COQ8A: variants seen among roughly 807,000 people sequenced by gnomAD.
COQ8A encodes atypical kinase COQ8A, mitochondrial.
In COQ8A, 51 loss-of-function variants were observed where a neutral mutation model predicts 65.0. The observed-to-expected ratio is 0.78, with a 90% confidence interval of 0.63 to 0.99. COQ8A has a LOEUF of 0.99. Ranked by LOEUF, COQ8A falls within the 50% of genes least tolerant of loss-of-function variation. The pLI is 0.00. For missense variants in COQ8A, 940 were observed against 875.0 expected (o/e 1.07, Z -0.94); for synonymous variants, 371 against 353.2 (o/e 1.05, Z -0.57).
In COQ8A at chr1:226,983,855, G is replaced by A; in HGVS notation, c.1256+1G>A. 1 of 1,608,630 alleles carries A rather than the reference G, an allele frequency of 6.2e-7. No individual in the cohort carries two copies. Among genetic ancestry groups the A allele is most frequent in the Non-Finnish European group, 8.5e-7 (1 of 1,179,352 alleles). Reference sequence around the variant, plus strand: ...AGGCCGCCTGTGCCCGCAAGTTCAGGTGTGGCCCCCGGCCGGGCCCCTTGC... The same window carrying A: ...AGGCCGCCTGTGCCCGCAAGTTCAGATGTGGCCCCCGGCCGGGCCCCTTGC... On this transcript the variant is annotated splice_donor_variant, in intron 10 of 14. Transcript: ENST00000366777. LOFTEE classifies it high-confidence loss of function.
intron 5 of COQ8A, among the ~76,000 whole-genome samples, chr1:226,979,412 G>A (rs1659559427): frequency 6.6e-6 from 1 of 152,226 alleles, no homozygotes; most frequent in Non-Finnish European, 1.5e-5. Context: ...GCCCAGCAGG[G>A]GCTTTCCTGT....
intron 1 of COQ8A, among the ~76,000 whole-genome samples, chr1:226,948,911 A>G (rs1216380527): frequency 6.6e-6 from 1 of 152,194 alleles, no homozygotes; most frequent in Non-Finnish European, 1.5e-5. Flanking sequence ...ATGGTGCTTT[A>G]ACACATTTCA....
chr1:226,956,789 C>G (rs1168308441), intron 1 of COQ8A, among the ~76,000 whole-genome samples: 1 of 131,200 alleles, frequency 7.6e-6, no homozygotes, highest in East Asian at 2.6e-4. Context: ...GGCTCCCACT[C>G]TCCCTCGTTC....
intron 1 of COQ8A, among the ~76,000 whole-genome samples, chr1:226,944,849 A>G (rs1363833520): frequency 2.0e-5 from 3 of 151,782 alleles, no homozygotes; most frequent in Non-Finnish European, 2.9e-5. Context: ...TCATTTGGAA[A>G]AGCCCAGTCC....
Position 226,986,895 on chromosome 1 carries a change from G to A in COQ8A, c.*158G>A. 3.4e-6 allele frequency: 3 copies of A among 877,200 alleles called. No homozygotes were observed. Among genetic ancestry groups the A allele is most frequent in the Non-Finnish European group, 5.2e-6 (3 of 571,590 alleles). 54.3% of individuals were successfully genotyped at this position (877,200 alleles called of 1,614,324 possible). The stretch of plus-strand genomic sequence containing the variant: ...GTAGCCAGCGCTTTCCACGGTTTCT[G>A]TTGCTAAATGGTTGTAGGGTGAGAA... On this transcript the variant is annotated 3_prime_UTR_variant, in exon 15 of 15. Transcript: ENST00000366777.
At chr1:226,976,440 G>A (rs917668925) in intron 4 of COQ8A, among the ~76,000 whole-genome samples, 13 of 152,052 alleles carry the variant, frequency 8.5e-5, no homozygotes, top group Non-Finnish European at 1.9e-4. Context: ...GCGGGGCTGC[G>A]GGGCTGCGAT....
chr1:226,951,397 T>G (rs917353500), intron 1 of COQ8A, among the ~76,000 whole-genome samples: 2 of 152,134 alleles, frequency 1.3e-5, no homozygotes, highest in Admixed American at 1.3e-4. Flanking sequence ...AAGTTGGCAT[T>G]GGACAACCCC....
intron 1 of COQ8A, among the ~76,000 whole-genome samples, chr1:226,957,286 C>A (rs1316609433): frequency 7.4e-6 from 1 of 134,332 alleles, no homozygotes; most frequent in African/African-American, 2.7e-5. Context: ...TCCCTGCCCC[C>A]CCCCCCCCAC....
chr1:226,958,732 G>A (rs12024326), intron 1 of COQ8A, among the ~76,000 whole-genome samples: 34,876 of 152,052 alleles, frequency 0.23, 4,124 homozygotes, highest in African/African-American at 0.3. Flanking sequence ...CACTCTTTTG[G>A]CTGCCCCTCC....
In COQ8A at chr1:226,984,252, A is replaced by G. The variant is rs1452786854; in HGVS notation, c.1398+17A>G. Reference sequence around the variant, plus strand: ...CGGAACGAGGTTTGTCTGTGCCAGCAGACAGGTGGGGCCAGGGTGGCCCTG... The same window carrying G: ...CGGAACGAGGTTTGTCTGTGCCAGCGGACAGGTGGGGCCAGGGTGGCCCTG... On this transcript the variant is annotated intron_variant, in intron 11 of 14. Transcript: ENST00000366777. 4 of 1,613,204 alleles carry G rather than the reference A, an allele frequency of 2.5e-6. No homozygotes were observed. Among genetic ancestry groups the G allele is most frequent in the East Asian group, 2.2e-5 (1 of 44,886 alleles).
chr1:226,942,331 A>T (rs1291939658), intron 1 of COQ8A, among the ~76,000 whole-genome samples: 1 of 151,966 alleles, frequency 6.6e-6, no homozygotes, highest in African/African-American at 2.4e-5. Context: ...AGGAGGGCAG[A>T]GGCAAAACCT....
chr1:226,941,842 C>G (rs977684335), intron 1 of COQ8A, among the ~76,000 whole-genome samples: 1 of 151,314 alleles, frequency 6.6e-6, no homozygotes, highest in Non-Finnish European at 1.5e-5. Context: ...ATGGTGCGGA[C>G]TATGCAGAAT....
At chr1:226,957,474 G>A (rs1277379304) in intron 1 of COQ8A, among the ~76,000 whole-genome samples, 2 of 152,148 alleles carry the variant, frequency 1.3e-5, no homozygotes, top group African/African-American at 4.8e-5. Context: ...GGTTTATAAT[G>A]CTGTGCTCTG....
chr1:226,944,520 G>A (rs188642123), intron 1 of COQ8A, among the ~76,000 whole-genome samples: 1 of 151,832 alleles, frequency 6.6e-6, no homozygotes, highest in Non-Finnish European at 1.5e-5. Context: ...CAGGGGAAGG[G>A]TCTGAGAGAT....
intron 1 of COQ8A, among the ~76,000 whole-genome samples, chr1:226,945,128 G>A (rs1656954293): frequency 1.3e-5 from 2 of 152,182 alleles, no homozygotes; most frequent in South Asian, 4.1e-4. Flanking sequence ...GCACTCCAGG[G>A]ATGCATGGCC....
intron 1 of COQ8A, among the ~76,000 whole-genome samples, chr1:226,960,306 GGTGGCGGTA>G (rs1161670433): frequency 4.7e-5 from 7 of 149,050 alleles, no homozygotes; most frequent in African/African-American, 7.4e-5. Flanking sequence ...ACTTGGTGGT[GGTGGCGGTA>G]CTTGGTGGTG....
At chr1:226,962,644 G>T (rs1327937451) in intron 2 of COQ8A, among the ~76,000 whole-genome samples, 1 of 152,230 alleles carries the variant, frequency 6.6e-6, no homozygotes, top group Non-Finnish European at 1.5e-5. Flanking sequence ...TGCAGGCTGT[G>T]AGGCCGTCGC....
At chr1:226,963,620 T>G (rs1658384381) in intron 2 of COQ8A, among the ~76,000 whole-genome samples, 1 of 152,214 alleles carries the variant, frequency 6.6e-6, no homozygotes, top group Non-Finnish European at 1.5e-5. Flanking sequence ...TTTTTATTTT[T>G]TTGAGATGGA....
At position 226,977,420 on chromosome 1, in the gene COQ8A, A is replaced by C. The variant is rs774626969; in HGVS notation, c.656-29A>C. The C allele has an allele frequency of 9.0e-5, 139 of 1,548,866 alleles. 1 individual carries two copies. The highest frequency in any genetic ancestry group is 1.1e-4 in the Non-Finnish European group (131 of 1,146,742). On this transcript the variant is annotated intron_variant, in intron 4 of 14. Transcript: ENST00000366777. ...CGGGTGGCCCCAGCCCTGCGTGAGC[A>C]CTGAGTGCCCGCCCCCTCCTCCTTG...
Sources: allele counts gnomAD v4.1 joint callset (sites outside exome capture counted in the v4.1 genomes callset), GRCh38; gene constraint gnomAD v4.1.1; transcripts MANE v1.5; gene names NCBI Gene and HGNC (gene_info 2026-07-23, HGNC 2026-07-21).